The following CRPPA variants were observed in gnomAD, a reference collection of about 807,000 sequenced individuals.
CRPPA encodes the protein D-ribitol-5-phosphate cytidylyltransferase.
Under a neutral mutation model 52.0 loss-of-function variants are expected in CRPPA, and 43 were observed. The observed-to-expected ratio is 0.83, with a 90% CI of 0.65 to 1.07. The LOEUF is 1.07. CRPPA is among the 50% of genes least tolerant of loss of function. CRPPA has a pLI of 0.00. For missense variants in CRPPA, 629 were observed against 551.7 expected, an observed-to-expected ratio of 1.14 and a Z score of -1.40; for synonymous variants, 250 against 203.5, an observed-to-expected ratio of 1.23 and a Z score of -1.94.
intron 3 of CRPPA, among the ~76,000 whole-genome samples, chr7:16,353,076 C>T (rs1424736031): frequency 6.6e-6 from 1 of 152,126 alleles, no homozygotes; most frequent in Non-Finnish European, 1.5e-5. Flanking sequence ...AAACAGTTGG[C>T]CAGGCGTGGT....
chr7:16,197,579 T>A (rs1781766199), intron 9 of CRPPA, among the ~76,000 whole-genome samples: 1 of 151,954 alleles, frequency 6.6e-6, no homozygotes, highest in African/African-American at 2.4e-5. Context: ...CACGCAATCC[T>A]TCCTGCCTCT....
intron 9 of CRPPA, among the ~76,000 whole-genome samples, chr7:16,147,696 T>C (rs1166680490): frequency 6.6e-6 from 1 of 152,198 alleles, no homozygotes; most frequent in Non-Finnish European, 1.5e-5. Flanking sequence ...TCAGTGCCTA[T>C]CACAAGGTCT....
chr7:16,209,271 G>GTTTTTTTTTTTTTTTTTT (rs1316167969), intron 9 of CRPPA: 9 of 137,816 alleles, frequency 6.5e-5, no homozygotes, highest in Non-Finnish European at 1.3e-4. Context: ...GGTTCTAAGT[G>GTTTTTTTTTTTTTTTTTT]TCTTTTTTTT....
At chr7:16,141,670 A>G (rs1444201890) in intron 9 of CRPPA, among the ~76,000 whole-genome samples, 2 of 151,278 alleles carry the variant, frequency 1.3e-5, no homozygotes, top group East Asian at 1.9e-4. Flanking sequence ...GAAACTGCAT[A>G]AGACAAACTC....
intron 3 of CRPPA, among the ~76,000 whole-genome samples, chr7:16,343,374 C>G (rs1785922910): frequency 1.3e-5 from 2 of 152,174 alleles, no homozygotes; most frequent in Middle Eastern, 3.4e-3. Context: ...TGAAGGGAGC[C>G]TTGAAAACTG....
In CRPPA at chr7:16,389,925, AAAAATATATATAT is replaced by A. The variant is rs1392092989; in HGVS notation, c.535-13697_535-13685del. On this transcript the variant is annotated intron_variant, in intron 2 of 9. Transcript: ENST00000407010. ...CAAGCCTAGTATACAAAAAAAAAAA[AAAAATATATATAT>A]ATATATATATATATATATATCAGTT... Among the ~76,000 whole-genome samples the A allele has an allele frequency of 3.4e-3, 245 of 72,366 alleles. 4 individuals carry two copies. The highest frequency in any genetic ancestry group is 5.7e-3 in the Non-Finnish European group (211 of 37,118). The allele number at this position is 72,366 out of a possible 152,430, so 47.5% of individuals were successfully genotyped here. A position where few individuals can be genotyped will look rare whatever the true frequency, so the allele number is the denominator to read the frequency against.
At chr7:16,145,121 G>C (rs1782949692) in intron 9 of CRPPA, among the ~76,000 whole-genome samples, 1 of 152,200 alleles carries the variant, frequency 6.6e-6, no homozygotes, top group African/African-American at 2.4e-5. Context: ...CCCTGAAGCA[G>C]CATAGTGACC....
intron 9 of CRPPA, among the ~76,000 whole-genome samples, chr7:16,179,592 C>A (rs923304498): frequency 1.3e-5 from 2 of 151,922 alleles, no homozygotes; most frequent in African/African-American, 4.8e-5. Flanking sequence ...CCTTCAGAAT[C>A]CAGGAAAATA....
At chr7:16,374,570 G>T (rs539154840) in intron 3 of CRPPA, among the ~76,000 whole-genome samples, 3 of 152,160 alleles carry the variant, frequency 2.0e-5, no homozygotes, top group African/African-American at 7.2e-5. Flanking sequence ...ACACTATTAT[G>T]TATTTTCTGC....
At chr7:16,124,476 CA>C (rs1782537457) in intron 9 of CRPPA, among the ~76,000 whole-genome samples, 1 of 152,002 alleles carries the variant, frequency 6.6e-6, no homozygotes, top group Admixed American at 6.5e-5. Context: ...ATAAGTCAGG[CA>C]TAAAGAGATA....
chr7:16,399,498 C>T (rs1183967493), intron 2 of CRPPA, among the ~76,000 whole-genome samples: 1 of 109,428 alleles, frequency 9.1e-6, no homozygotes, highest in African/African-American at 5.1e-5. Flanking sequence ...ACATGTGACT[C>T]GTGACCAACG....
intron 5 of CRPPA, among the ~76,000 whole-genome samples, chr7:16,290,858 A>T (rs958386279): frequency 1.3e-5 from 2 of 152,070 alleles, no homozygotes; most frequent in Non-Finnish European, 1.5e-5. Context: ...CAATCTGTTG[A>T]ATACAAGAAG....
intron 3 of CRPPA, among the ~76,000 whole-genome samples, chr7:16,350,810 G>C (rs1001716770): frequency 3.9e-5 from 6 of 152,152 alleles, no homozygotes; most frequent in African/African-American, 9.6e-5. Context: ...ACAAGGCGTA[G>C]AGTGTGGCTT....
At chr7:16,329,551 A>G (rs560063175) in intron 3 of CRPPA, among the ~76,000 whole-genome samples, 28 of 152,282 alleles carry the variant, frequency 1.8e-4, no homozygotes, top group African/African-American at 6.7e-4. Context: ...AAACACAATT[A>G]GGAGACACAT....
chr7:16,147,029 A>T (rs140117708), intron 9 of CRPPA, among the ~76,000 whole-genome samples: 146 of 152,284 alleles, frequency 9.6e-4, no homozygotes, highest in Middle Eastern at 6.8e-3. Flanking sequence ...TCATTTAGGA[A>T]CTCATTTTCA....
chr7:16,289,958 A>G (rs1222543756), intron 5 of CRPPA, among the ~76,000 whole-genome samples: 1 of 152,186 alleles, frequency 6.6e-6, no homozygotes, highest in African/African-American at 2.4e-5. Flanking sequence ...CTTAGAATTG[A>G]TATTTAGTAA....
chr7:16,411,903 A>G (rs1788084525), intron 1 of CRPPA, among the ~76,000 whole-genome samples: 1 of 152,186 alleles, frequency 6.6e-6, no homozygotes, highest in Non-Finnish European at 1.5e-5. Context: ...AAAAATGGTT[A>G]AACTTTTAAG....
At chr7:16,288,265 A>C (rs952870462) in intron 5 of CRPPA, among the ~76,000 whole-genome samples, 4 of 152,192 alleles carry the variant, frequency 2.6e-5, no homozygotes, top group Admixed American at 6.5e-5. Context: ...AGAAAGATCA[A>C]GAAATTATCA....
chr7:16,161,630 T>C (rs574912825), intron 9 of CRPPA, among the ~76,000 whole-genome samples: 2 of 152,334 alleles, frequency 1.3e-5, no homozygotes, highest in Middle Eastern at 3.4e-3. Context: ...ATCAGGGATA[T>C]TGGCCTGAAA....
Sources: allele counts gnomAD v4.1 joint callset (sites outside exome capture counted in the v4.1 genomes callset), GRCh38; gene constraint gnomAD v4.1.1; transcripts MANE v1.5; gene names NCBI Gene and HGNC (gene_info 2026-07-23, HGNC 2026-07-21).